NUP37: variants seen among roughly 807,000 people sequenced by gnomAD.
The protein encoded by NUP37 is nucleoporin Nup37.
In NUP37, 33 loss-of-function variants were observed where a neutral mutation model predicts 45.4. The observed-to-expected ratio is 0.73, with a 90% CI of 0.55 to 0.97. NUP37 has a LOEUF of 0.97. Among genes scored for constraint, NUP37 ranks in the 50% least tolerant of loss-of-function variants. NUP37 has a pLI of 0.00. For missense variants in NUP37, 365 were observed against 389.7 expected (o/e 0.94, Z 0.53); for synonymous variants, 127 against 130.7 (o/e 0.97, Z 0.19).
chr12:102,088,573 C>G (rs1879536885), intron 5 of NUP37, among the ~76,000 whole-genome samples: 1 of 152,082 alleles, frequency 6.6e-6, no homozygotes, highest in South Asian at 2.1e-4. Context: ...TTTTGAACAT[C>G]ATAAAAATGA....
intron 5 of NUP37, among the ~76,000 whole-genome samples, chr12:102,093,830 C>T (rs1879727804): frequency 6.6e-6 from 1 of 151,968 alleles, no homozygotes; most frequent in South Asian, 2.1e-4. Flanking sequence ...ACATGAGGGC[C>T]ACATAAAGCA....
chr12:102,102,996 A>G (rs2136743618), intron 3 of NUP37, among the ~76,000 whole-genome samples: 1 of 152,188 alleles, frequency 6.6e-6, no homozygotes, highest in African/African-American at 2.4e-5. Context: ...CTTGAATACC[A>G]TAGCTTTTAT....
At chr12:102,093,594 A>G (rs1010952193) in intron 5 of NUP37, among the ~76,000 whole-genome samples, 6 of 152,120 alleles carry the variant, frequency 3.9e-5, no homozygotes, top group African/African-American at 1.4e-4. Context: ...TTTAACTAAC[A>G]TAAGCCTTAA....
chr12:102,082,605 T>C lies in NUP37; in HGVS notation c.540+3161A>G, dbSNP rs76830567. 3.3e-4 allele frequency among the ~76,000 whole-genome samples: 51 copies of C among 152,352 alleles called. No homozygotes were observed. In the East Asian group the frequency reaches 8.9e-3, roughly 27 times the overall value. ...GAAATCAGAGAAAGTTTAAGTAACTTGTCAGAGATCACACAGCTAGTAAGT... is the reference window on the plus strand; with the variant it reads ...GAAATCAGAGAAAGTTTAAGTAACTCGTCAGAGATCACACAGCTAGTAAGT... On this transcript the variant is annotated intron_variant, in intron 6 of 9. Coordinates refer to ENST00000552283, the MANE Select transcript of NUP37 (RefSeq NM_024057.4).
intron 5 of NUP37, among the ~76,000 whole-genome samples, chr12:102,089,452 C>T (rs1424362532): frequency 5.6e-5 from 8 of 143,096 alleles, no homozygotes; most frequent in South Asian, 2.3e-4. Context: ...ACTTCCCAGA[C>T]GGGGCGGCCG....
chr12:102,101,284 CACAG>C (rs1310626732), intron 3 of NUP37, among the ~76,000 whole-genome samples, 180 bp from the exon 4 acceptor site: 4 of 152,030 alleles, frequency 2.6e-5, no homozygotes, highest in African/African-American at 4.8e-5. Flanking sequence ...ATACAGCCAT[CACAG>C]AAAGTAGGAG....
At chr12:102,097,947 TAAG>T (rs1268957720) in intron 5 of NUP37, among the ~76,000 whole-genome samples, 1 of 152,150 alleles carries the variant, frequency 6.6e-6, no homozygotes, top group Non-Finnish European at 1.5e-5. Flanking sequence ...TGAGCTATAT[TAAG>T]AAGATTAAAA....
intron 5 of NUP37, among the ~76,000 whole-genome samples, chr12:102,090,929 C>A (rs186568028): frequency 2.0e-5 from 3 of 152,086 alleles, no homozygotes; most frequent in Non-Finnish European, 1.5e-5. Context: ...ATCTAAGAAA[C>A]TTTTGGTCTA....
rs1240822244 is a variant in NUP37, at chr12:102,101,052, G to C, written c.334C>G (p.Gln112Glu). 1 of 1,550,148 alleles carries C rather than the reference G, an allele frequency of 6.5e-7. No individual in the cohort carries two copies. The highest frequency in any genetic ancestry group is 1.4e-5 in the African/African-American group (1 of 71,994). ...CATACCTTATATTCATTTTTATCCT[G>C]AAGATCTGAAGTAAATAATCTAATT... is the stretch of plus-strand genomic sequence containing the variant. Reference protein sequence around the residue: ...MKIRLFTSDLQDKNEYKVLEG... With the variant: ...MKIRLFTSDLEDKNEYKVLEG... The change falls in exon 4 of 10, where the codon CAG becomes GAG. Residue 112 changes from glutamine to glutamate, a missense_variant. Transcript: ENST00000552283.
At position 102,118,411 on chromosome 12, in the gene NUP37, A is replaced by C. The variant is rs753151546; in HGVS notation, c.108T>G (p.Ile36Met). 4 of 1,614,016 alleles carry C rather than the reference A, an allele frequency of 2.5e-6. No homozygotes were observed. In the South Asian group the frequency reaches 3.3e-5, roughly 13 times the overall value. Residue 36 changes from isoleucine (I) to methionine (M), a missense_variant, in exon 2 of 10, where the codon ATT (isoleucine) becomes ATG (methionine). Transcript: ENST00000552283. ...CCACATAATTATTGCCACCATATGC[A>C]ATTAGGTTTCCTGAATCCCCATTCT... Reference protein sequence around the residue: ...PFENGDSGNLIAYGGNNYVVI... With the variant: ...PFENGDSGNLMAYGGNNYVVI...
intron 5 of NUP37, among the ~76,000 whole-genome samples, chr12:102,086,635 G>T (rs888111447): frequency 6.6e-6 from 1 of 152,182 alleles, no homozygotes; most frequent in African/African-American, 2.4e-5. Context: ...TCTCAGTCAT[G>T]GCACCATGTC....
rs773652861 is a variant in NUP37 at position 102,099,101 on chromosome 12, C to T, written c.449+5G>A. On this transcript the variant is annotated splice_donor_5th_base_variant and intron_variant, in intron 5 of 9. Transcript: ENST00000552283. ...AAAAATGTGGTTATAACATAAGCAA[C>T]ATACCTGCAGGTGTGATCGTCACTC... The T allele has an allele frequency of 3.1e-6, 5 of 1,588,570 alleles. No homozygotes were observed. Among genetic ancestry groups the T allele is most frequent in the Non-Finnish European group, 4.3e-6 (5 of 1,156,914 alleles).
intron 4 of NUP37, 61 bp downstream of exon 4, chr12:102,100,967 TAAAA>T (rs1167147486): frequency 2.2e-5 from 22 of 1,011,324 alleles, no homozygotes; most frequent in African/African-American, 3.4e-5. Flanking sequence ...TAAATCCAAT[TAAAA>T]AAGCAAAAAA....
At chr12:102,113,768 T>C (rs1198134173) in intron 2 of NUP37, among the ~76,000 whole-genome samples, 2 of 152,196 alleles carry the variant, frequency 1.3e-5, no homozygotes, top group African/African-American at 2.4e-5. Flanking sequence ...TCTATATTGA[T>C]AGGAATTACT....
At chr12:102,076,438 T>C (rs1879170218) in intron 8 of NUP37, among the ~76,000 whole-genome samples, 1 of 152,212 alleles carries the variant, frequency 6.6e-6, no homozygotes, top group Admixed American at 6.5e-5. Context: ...CTATCTAGCA[T>C]AGTTTCATTT....
chr12:102,077,647 T>A (rs1879212437), intron 6 of NUP37, 144 bp from the exon 7 acceptor site: 3 of 866,248 alleles, frequency 3.5e-6, no homozygotes, highest in Non-Finnish European at 5.1e-6. Flanking sequence ...AAATCTGCAA[T>A]GCTCCAAAAA....
intron 5 of NUP37, among the ~76,000 whole-genome samples, chr12:102,088,963 A>G (rs543534392): frequency 2.0e-5 from 3 of 152,156 alleles, no homozygotes; most frequent in South Asian, 4.2e-4. Context: ...CACATCTTGC[A>G]CCACCCTTAA....
At chr12:102,081,071 C>T (rs75232693) in intron 6 of NUP37, among the ~76,000 whole-genome samples, 4,270 of 152,176 alleles carry the variant, frequency 0.028, 322 homozygotes, top group East Asian at 0.26. Context: ...CTTGGGCAAA[C>T]GGCTTACCTT....
chr12:102,114,319 T>C (rs1262303882), intron 2 of NUP37, among the ~76,000 whole-genome samples: 2 of 152,060 alleles, frequency 1.3e-5, no homozygotes. Flanking sequence ...AAATCACATA[T>C]GGAATTACTG....
Sources: gnomAD v4.1 joint callset for allele counts (sites outside exome capture counted in the v4.1 genomes callset) on GRCh38, gnomAD v4.1.1 for gene constraint, MANE v1.5 for transcripts, NCBI Gene and HGNC (gene_info 2026-07-23, HGNC 2026-07-21) for gene names.